The following ANGPT1 variants were observed in gnomAD, a reference collection of about 807,000 sequenced individuals.
ANGPT1 encodes the protein angiopoietin 1, also known as angiopoietin-1.
ANGPT1 carries 17 observed loss-of-function variants against 62.2 expected under a neutral mutation model. The observed-to-expected ratio is 0.27, with a 90% confidence interval of 0.19 to 0.41. ANGPT1 has a LOEUF of 0.41. ANGPT1 is among the 10% of genes least tolerant of loss of function. The pLI is 1.00. For missense variants in ANGPT1, 478 were observed against 594.9 expected (o/e 0.80, Z 2.04); for synonymous variants, 199 against 198.9 (o/e 1.00, Z 0.00).
In ANGPT1 at chr8:107,321,723, C is replaced by T. The variant is rs115249596; in HGVS notation, c.808+173G>A. On this transcript the variant is annotated intron_variant, in intron 4 of 8. Transcript: ENST00000517746. ...AATTTAGGCTTATGAATACATTCTC[C>T]AGGTAGAAACATGAGAAAATTATCA... Among the ~76,000 whole-genome samples the T allele has an allele frequency of 2.2e-3, 342 of 152,238 alleles. 1 individual carries two copies. Among genetic ancestry groups the T allele is most frequent in the African/African-American group, 7.9e-3 (327 of 41,562 alleles).
At chr8:107,467,486 G>A (rs998313585) in intron 1 of ANGPT1, among the ~76,000 whole-genome samples, 4 of 151,966 alleles carry the variant, frequency 2.6e-5, no homozygotes, top group Non-Finnish European at 5.9e-5. Flanking sequence ...AGAAAGAACA[G>A]GTATAAAAGT....
chr8:107,277,423 T>G (rs922481415), intron 7 of ANGPT1, among the ~76,000 whole-genome samples: 2 of 152,290 alleles, frequency 1.3e-5, no homozygotes, highest in African/African-American at 4.8e-5. Flanking sequence ...ACTTTTTTAT[T>G]TATAATAATA....
chr8:107,476,088 T>C (rs1038706836), intron 1 of ANGPT1, among the ~76,000 whole-genome samples: 5 of 152,222 alleles, frequency 3.3e-5, no homozygotes, highest in African/African-American at 1.2e-4. Flanking sequence ...TTACTGGGTA[T>C]ATACTCAAAG....
intron 1 of ANGPT1, among the ~76,000 whole-genome samples, chr8:107,386,354 C>T (rs1489824852): frequency 1.3e-5 from 2 of 151,978 alleles, no homozygotes; most frequent in Non-Finnish European, 2.9e-5. Flanking sequence ...GCAATTTACC[C>T]ATGTAACAAA....
intron 7 of ANGPT1, among the ~76,000 whole-genome samples, chr8:107,267,228 G>A (rs1452062690): frequency 3.3e-5 from 5 of 151,982 alleles, no homozygotes; most frequent in Admixed American, 3.3e-4. Context: ...GTTTCTGTAT[G>A]AGATTATTTT....
intron 7 of ANGPT1, among the ~76,000 whole-genome samples, chr8:107,283,160 T>C (rs1006546322): frequency 3.3e-5 from 5 of 152,236 alleles, no homozygotes; most frequent in Non-Finnish European, 5.9e-5. Context: ...AAGTTTCATA[T>C]AGTTTCAAGT....
rs537915817 is a variant in ANGPT1 at position 107,322,596 on chromosome 8, T to C, written c.576-468A>G. 6.2e-4 allele frequency: 114 copies of C among 183,558 alleles called. 1 individual carries two copies. The highest frequency in any genetic ancestry group is 4.1e-3 in the Middle Eastern group (2 of 484). The allele number at this position is 183,558 out of a possible 1,614,324, so 11.4% of individuals were successfully genotyped here. ...CGTTAACATTGACTAAATTTCACGA[T>C]AGTTCTGTGGGATCAAGAATAGTAT... On this transcript the variant is annotated intron_variant, in intron 3 of 8. Coordinates refer to ENST00000517746, the MANE Select transcript of ANGPT1 (RefSeq NM_001146.5).
intron 1 of ANGPT1, among the ~76,000 whole-genome samples, chr8:107,363,757 T>TA (rs1047449344): frequency 2.0e-5 from 3 of 151,772 alleles, no homozygotes; most frequent in Non-Finnish European, 4.4e-5. Flanking sequence ...CATTGGACAG[T>TA]AAAAAAAATA....
chr8:107,465,531 C>T (rs995292321), intron 1 of ANGPT1, among the ~76,000 whole-genome samples: 3 of 152,128 alleles, frequency 2.0e-5, no homozygotes, highest in African/African-American at 7.2e-5. Context: ...ATGAAAAATA[C>T]TTCAATGTTA....
At chr8:107,291,231 T>C (rs1214831504) in intron 6 of ANGPT1, among the ~76,000 whole-genome samples, 2 of 152,198 alleles carry the variant, frequency 1.3e-5, no homozygotes, top group Admixed American at 1.3e-4. Context: ...TACTGTTCAC[T>C]GAAAATTCAG....
chr8:107,379,056 A>G (rs1816586258), intron 1 of ANGPT1, among the ~76,000 whole-genome samples: 1 of 152,006 alleles, frequency 6.6e-6, no homozygotes, highest in African/African-American at 2.4e-5. Context: ...TTTTATATAT[A>G]AACAATGTTA....
intron 4 of ANGPT1, among the ~76,000 whole-genome samples, chr8:107,304,466 G>T (rs966153063): frequency 6.6e-6 from 1 of 151,522 alleles, no homozygotes; most frequent in African/African-American, 2.4e-5. Context: ...CAAACACATT[G>T]AGTTATAATA....
chr8:107,493,029 G>C (rs547574983), intron 1 of ANGPT1, among the ~76,000 whole-genome samples: 11 of 150,456 alleles, frequency 7.3e-5, no homozygotes, highest in Admixed American at 3.3e-4. Flanking sequence ...TAACATTTAA[G>C]CAGACTTTAG....
chr8:107,380,028 A>G (rs893365220), intron 1 of ANGPT1, among the ~76,000 whole-genome samples: 2 of 152,048 alleles, frequency 1.3e-5, no homozygotes, highest in Non-Finnish European at 2.9e-5. Context: ...TATAACTATG[A>G]ATATTGTTTG....
chr8:107,437,325 C>A (rs1218520565), intron 1 of ANGPT1, among the ~76,000 whole-genome samples: 2 of 152,070 alleles, frequency 1.3e-5, no homozygotes, highest in Non-Finnish European at 2.9e-5. Flanking sequence ...AATTTTCTGA[C>A]AAAAATCCGT....
rs770857024 is a variant in ANGPT1 at position 107,440,281 on chromosome 8, CA to C, written c.297+56980del. ...TTAAAAACATTCACTATTTTAATTA[CA>C]TTTTTTTAAAGTTTCTACATTCCCT... On this transcript the variant is annotated intron_variant, in intron 1 of 8. Transcript: ENST00000517746. Among the ~76,000 whole-genome samples the C allele has an allele frequency of 4.5e-4, 69 of 152,126 alleles. 1 individual carries two copies. Among genetic ancestry groups the C allele is most frequent in the Non-Finnish European group, 2.1e-4 (14 of 68,030 alleles).
intron 6 of ANGPT1, among the ~76,000 whole-genome samples, chr8:107,288,704 T>C (rs1328923296): frequency 6.6e-6 from 1 of 152,142 alleles, no homozygotes; most frequent in African/African-American, 2.4e-5. Flanking sequence ...AATCAAATTA[T>C]TTGAGTGGTA....
intron 1 of ANGPT1, among the ~76,000 whole-genome samples, chr8:107,403,249 A>G (rs550674885): frequency 6.6e-6 from 1 of 152,314 alleles, no homozygotes. Context: ...GAAGAAGGGC[A>G]GTTTCTCCAA....
chr8:107,442,977 T>A (rs1811520412), intron 1 of ANGPT1, among the ~76,000 whole-genome samples: 1 of 152,226 alleles, frequency 6.6e-6, no homozygotes, highest in Non-Finnish European at 1.5e-5. Context: ...CTTTTCCTAA[T>A]GTAGAATGCC....
Sources: allele counts gnomAD v4.1 joint callset (sites outside exome capture counted in the v4.1 genomes callset), GRCh38; gene constraint gnomAD v4.1.1; transcripts MANE v1.5; gene names NCBI Gene and HGNC (gene_info 2026-07-23, HGNC 2026-07-21).